The following ANK3 variants were observed in gnomAD, a reference collection of about 807,000 sequenced individuals.
The protein encoded by ANK3 is ankyrin 3.
ANK3 carries 57 observed loss-of-function variants against 370.9 expected under a neutral mutation model. That is an observed-to-expected ratio of 0.15 (90% CI 0.12 to 0.19). ANK3 has a LOEUF of 0.19. ANK3 is among the 10% of genes least tolerant of loss of function. The pLI is 1.00. For missense variants in ANK3, 4,439 were observed against 5,302.1 expected (o/e 0.84, Z 5.06); for synonymous variants, 1,929 against 1,946.3 (o/e 0.99, Z 0.23).
At chr10:60,534,764 G>C (rs912483311) in intron 2 of ANK3, among the ~76,000 whole-genome samples, 7 of 152,090 alleles carry the variant, frequency 4.6e-5, no homozygotes, top group African/African-American at 1.7e-4. Context: ...AGCTGTAACA[G>C]TTAAAATGGC....
At chr10:60,644,618 G>A (rs1199577686) in intron 1 of ANK3, among the ~76,000 whole-genome samples, 1 of 152,048 alleles carries the variant, frequency 6.6e-6, no homozygotes, top group Non-Finnish European at 1.5e-5. Flanking sequence ...CTTGGTTTAT[G>A]GGATTGATTA....
chr10:60,688,940 T>G (rs1289799781), intron 1 of ANK3, among the ~76,000 whole-genome samples: 1 of 143,554 alleles, frequency 7.0e-6, no homozygotes, highest in Non-Finnish European at 1.5e-5. Context: ...AGAGTGAGAC[T>G]CCGTTTCAAA....
intron 2 of ANK3, among the ~76,000 whole-genome samples, chr10:60,581,561 A>G (rs1250780465): frequency 1.3e-5 from 2 of 151,576 alleles, no homozygotes; most frequent in Non-Finnish European, 2.9e-5. Context: ...AGTAGCTGGA[A>G]TTACAGGCAC....
intron 1 of ANK3, among the ~76,000 whole-genome samples, chr10:60,688,019 A>G (rs1008565863): frequency 3.6e-4 from 55 of 152,348 alleles, no homozygotes; most frequent in African/African-American, 1.2e-3. Flanking sequence ...TGAAGTTCAT[A>G]GAATCAAAGA....
intron 5 of ANK3, among the ~76,000 whole-genome samples, chr10:60,267,858 G>A (rs1387788700): frequency 1.3e-5 from 2 of 152,188 alleles, no homozygotes; most frequent in Non-Finnish European, 2.9e-5. Flanking sequence ...TCCAAAAAAT[G>A]AGGATGGGTT....
chr10:60,421,064 G>A (rs2063768120), intron 2 of ANK3, among the ~76,000 whole-genome samples: 1 of 151,908 alleles, frequency 6.6e-6, no homozygotes, highest in East Asian at 1.9e-4. Context: ...TGAAACTTGA[G>A]CACATGTTAA....
intron 1 of ANK3, among the ~76,000 whole-genome samples, chr10:60,648,449 G>A (rs1302543782): frequency 2.8e-5 from 4 of 142,214 alleles, no homozygotes; most frequent in Non-Finnish European, 6.1e-5. Context: ...GTGAGCCACC[G>A]CACCTGGCCT....
chr10:60,374,425 G>T (rs1249280878), intron 1 of ANK3, among the ~76,000 whole-genome samples: 1 of 152,134 alleles, frequency 6.6e-6, no homozygotes, highest in Non-Finnish European at 1.5e-5. Context: ...GGCAGGAGAT[G>T]AGCCCCAGCA....
intron 1 of ANK3, among the ~76,000 whole-genome samples, chr10:60,280,705 T>C (rs2098148686): frequency 6.6e-6 from 1 of 152,152 alleles, no homozygotes; most frequent in African/African-American, 2.4e-5. Flanking sequence ...GCCAAAAACA[T>C]CTTGTCACCA....
At chr10:60,239,099 C>T (rs2097379868) in intron 7 of ANK3, among the ~76,000 whole-genome samples, 1 of 151,818 alleles carries the variant, frequency 6.6e-6, no homozygotes, top group African/African-American at 2.4e-5. Flanking sequence ...AAAATAAAAA[C>T]ATTAAGGAGA....
chr10:60,034,468 T>C (rs953261764), intron 43 of ANK3, among the ~76,000 whole-genome samples: 14 of 152,236 alleles, frequency 9.2e-5, no homozygotes, highest in Admixed American at 2.6e-4. Flanking sequence ...AGACTTCACT[T>C]TGAGGATCTA....
chr10:60,608,518 T>C (rs533787536), intron 2 of ANK3, among the ~76,000 whole-genome samples: 1 of 152,298 alleles, frequency 6.6e-6, no homozygotes, highest in African/African-American at 2.4e-5. Flanking sequence ...ACAGTATTTA[T>C]CATGTCAAAG....
At chr10:60,552,825 T>C (rs1470538613) in intron 2 of ANK3, among the ~76,000 whole-genome samples, 1 of 152,126 alleles carries the variant, frequency 6.6e-6, no homozygotes, top group Admixed American at 6.5e-5. Flanking sequence ...TGGCAGATGA[T>C]TGAATCATGG....
intron 2 of ANK3, among the ~76,000 whole-genome samples, chr10:60,414,275 C>G (rs916597257): frequency 6.6e-6 from 1 of 152,142 alleles, no homozygotes; most frequent in Non-Finnish European, 1.5e-5. Flanking sequence ...GTCCACTAAC[C>G]CACTTCCTGC....
intron 25 of ANK3, among the ~76,000 whole-genome samples, chr10:60,123,145 G>GC (rs2093590385): frequency 6.6e-6 from 1 of 151,994 alleles, no homozygotes; most frequent in Non-Finnish European, 1.5e-5. Context: ...AGCACTGGGT[G>GC]GCTTTAATAG....
At chr10:60,724,276 G>A (rs1222337822) in intron 1 of ANK3, among the ~76,000 whole-genome samples, 1 of 148,868 alleles carries the variant, frequency 6.7e-6, no homozygotes, top group South Asian at 2.1e-4. Context: ...ACATAGCCCT[G>A]CTGATCTACG....
At chr10:60,089,872 G>C (rs1057085377) in intron 28 of ANK3, among the ~76,000 whole-genome samples, 1 of 151,310 alleles carries the variant, frequency 6.6e-6, no homozygotes, top group Admixed American at 6.6e-5. Context: ...TTTAAATCAA[G>C]GTAATATATT....
At chr10:60,170,219 T>A (rs1409243131) in intron 21 of ANK3, among the ~76,000 whole-genome samples, 1 of 152,216 alleles carries the variant, frequency 6.6e-6, no homozygotes, top group East Asian at 1.9e-4. Flanking sequence ...AACTAAACCG[T>A]CTTTCTCAGC....
At position 60,158,720 on chromosome 10, in the gene ANK3, C is replaced by T. The variant is rs374007801; in HGVS notation, c.2614+7871G>A. Among the ~76,000 whole-genome samples, 286 of 121,772 alleles carry T rather than the reference C, an allele frequency of 2.3e-3. 1 individual carries two copies. The highest frequency in any genetic ancestry group is 9.1e-3 in the African/African-American group (275 of 30,326). 79.9% of individuals were successfully genotyped at this position (121,772 alleles called of 152,430 possible). A position where few individuals can be genotyped will look rare whatever the true frequency, so the allele number is the denominator to read the frequency against. ...AGACAGAATCTCATTCTGTCACCCACGCTGGAGAGCAATGGTGCTATCTTG... is the reference window on the plus strand; with the variant it reads ...AGACAGAATCTCATTCTGTCACCCATGCTGGAGAGCAATGGTGCTATCTTG... On this transcript the variant is annotated intron_variant, in intron 23 of 43. Coordinates refer to ENST00000280772, the MANE Select transcript of ANK3 (RefSeq NM_020987.5).
Sources: gnomAD v4.1 joint callset for allele counts (sites outside exome capture counted in the v4.1 genomes callset) on GRCh38, gnomAD v4.1.1 for gene constraint, MANE v1.5 for transcripts, NCBI Gene and HGNC (gene_info 2026-07-23, HGNC 2026-07-21) for gene names.